The following GARIN1B variants were observed in gnomAD, a reference collection of about 807,000 sequenced individuals.
GARIN1B encodes golgi associated RAB2 interactor 1B.
chr7:128,726,125 C>T, the GARIN1B span, among the ~76,000 whole-genome samples: 1 of 152,190 alleles, frequency 6.6e-6, no homozygotes, highest in Non-Finnish European at 1.5e-5. Context: ...CCTGGGAAGC[C>T]ATGCGAAGAT....
At chr7:128,709,656 A>G in the GARIN1B span, among the ~76,000 whole-genome samples, 1 of 150,388 alleles carries the variant, frequency 6.6e-6, no homozygotes, top group East Asian at 2.0e-4. Flanking sequence ...GGATGTTTGT[A>G]GTATAATGTT....
chr7:128,712,324 A>G, the GARIN1B span, among the ~76,000 whole-genome samples: 1 of 152,184 alleles, frequency 6.6e-6, no homozygotes, highest in African/African-American at 2.4e-5. Context: ...AATACACACA[A>G]CATAAAATGT....
the GARIN1B span, chr7:128,731,494 G>A: frequency 2.0e-3 from 626 of 315,076 alleles, 5 homozygotes; most frequent in African/African-American, 0.012. Context: ...AGTGGTAATA[G>A]GAAACGGAAG....
chr7:128,718,566 G>A, the GARIN1B span, among the ~76,000 whole-genome samples: 3 of 152,182 alleles, frequency 2.0e-5, no homozygotes, highest in Admixed American at 6.5e-5. Flanking sequence ...TGGCAGGGTA[G>A]GTGGAAGTTA....
the GARIN1B span, among the ~76,000 whole-genome samples, chr7:128,722,922 T>G: frequency 6.6e-6 from 1 of 152,206 alleles, no homozygotes; most frequent in Admixed American, 6.5e-5. Flanking sequence ...ATTCATACAT[T>G]ATATTAAGGT....
At chr7:128,714,143 C>T in the GARIN1B span, 1 of 1,535,878 alleles carries the variant, frequency 6.5e-7, no homozygotes, top group East Asian at 2.4e-5. Flanking sequence ...GTGAGAGCCT[C>T]CAGGCCCTTT....
At chr7:128,724,481 A>C in the GARIN1B span, among the ~76,000 whole-genome samples, 3 of 152,084 alleles carry the variant, frequency 2.0e-5, no homozygotes, top group Non-Finnish European at 4.4e-5. Context: ...TGTTCTGGAA[A>C]GCTCCATGCT....
At chr7:128,724,700 G>T in the GARIN1B span, 7 of 1,287,356 alleles carry the variant, frequency 5.4e-6, no homozygotes, top group South Asian at 8.7e-5. Flanking sequence ...GGAGAGAACA[G>T]AAATAAATTA....
At chr7:128,716,714 A>G in the GARIN1B span, 2 of 1,018,518 alleles carry the variant, frequency 2.0e-6, no homozygotes, top group Middle Eastern at 5.3e-4. Flanking sequence ...AGAATATCCA[A>G]CCCAAAACAT....
At chr7:128,728,167 G>A in the GARIN1B span, among the ~76,000 whole-genome samples, 17 of 152,322 alleles carry the variant, frequency 1.1e-4, no homozygotes, top group East Asian at 3.3e-3. Context: ...AAGGGGGCAG[G>A]GCGCGGTGGC....
the GARIN1B span, chr7:128,709,307 A>G: frequency 4.6e-5 from 7 of 152,202 alleles, no homozygotes; most frequent in Non-Finnish European, 8.8e-5. Flanking sequence ...CACTACCTGC[A>G]CCCAGAAGCC....
At chr7:128,722,814 C>T in the GARIN1B span, among the ~76,000 whole-genome samples, 1 of 151,778 alleles carries the variant, frequency 6.6e-6, no homozygotes, top group African/African-American at 2.4e-5. Context: ...AAAAAAAAAA[C>T]TCCACTAATT....
chr7:128,729,817 T>A, the GARIN1B span: 1 of 1,435,134 alleles, frequency 7.0e-7, no homozygotes, highest in Non-Finnish European at 9.6e-7. Flanking sequence ...TGGCACATCG[T>A]AAGCACCCCC....
the GARIN1B span, among the ~76,000 whole-genome samples, chr7:128,717,670 CT>C: frequency 6.6e-6 from 1 of 151,644 alleles, no homozygotes; most frequent in African/African-American, 2.4e-5. Flanking sequence ...TGGTCTTGAA[CT>C]CCTGACCTCA....
chr7:128,717,416 T>TTCTTTG, the GARIN1B span, among the ~76,000 whole-genome samples: 1 of 151,500 alleles, frequency 6.6e-6, no homozygotes, highest in Non-Finnish European at 1.5e-5. Context: ...CTCCTCAGTT[T>TTCTTTG]TCTTTGTCTT....
the GARIN1B span, among the ~76,000 whole-genome samples, chr7:128,719,506 C>T: frequency 1.3e-5 from 2 of 151,838 alleles, no homozygotes; most frequent in African/African-American, 4.8e-5. Context: ...CTCTAGGCAA[C>T]CATTATCTGT....
At chr7:128,711,805 C>G in the GARIN1B span, among the ~76,000 whole-genome samples, 1 of 152,076 alleles carries the variant, frequency 6.6e-6, no homozygotes, top group African/African-American at 2.4e-5. Context: ...CTTTGGGAGG[C>G]CAAGGTGCGT....
At chr7:128,721,075 G>A in the GARIN1B span, among the ~76,000 whole-genome samples, 57,076 of 151,694 alleles carry the variant, frequency 0.38, 10,911 homozygotes, top group African/African-American at 0.42. Flanking sequence ...TGATAATATT[G>A]TGTCTTCCAA....
the GARIN1B span, among the ~76,000 whole-genome samples, chr7:128,729,623 A>G: frequency 2.0e-5 from 3 of 152,142 alleles, no homozygotes; most frequent in African/African-American, 7.2e-5. Context: ...CTCTCCTTTT[A>G]CTGGTGCTGT....
Sources: allele counts gnomAD v4.1 joint callset (sites outside exome capture counted in the v4.1 genomes callset), GRCh38; gene constraint gnomAD v4.1.1; transcripts MANE v1.5; gene names NCBI Gene and HGNC (gene_info 2026-07-23, HGNC 2026-07-21).